The following CELF2 variants were observed in gnomAD, a reference collection of about 807,000 sequenced individuals.
CELF2 encodes the protein CUGBP Elav-like family member 2, also known as CUG triplet repeat RNA-binding protein 2.
A neutral mutation model predicts 62.6 loss-of-function variants in CELF2; 8 were observed. The observed-to-expected ratio is 0.13, with a 90% CI of 0.07 to 0.23. The LOEUF (loss-of-function observed/expected upper bound fraction) is 0.23, where lower values mean the gene tolerates loss of function less well. Ranked by LOEUF, CELF2 falls within the 10% of genes least tolerant of loss-of-function variation. The pLI, the probability that CELF2 is intolerant of heterozygous loss-of-function variation, is 1.00. For missense variants in CELF2, 333 were observed against 671.0 expected (o/e 0.50, Z 5.56); for synonymous variants, 258 against 250.0 (o/e 1.03, Z -0.30).
At chr10:10,868,378 G>A (rs1266952163) in intron 1 of CELF2, among the ~76,000 whole-genome samples, 1 of 152,210 alleles carries the variant, frequency 6.6e-6, no homozygotes, top group Non-Finnish European at 1.5e-5. Flanking sequence ...GCCCCTCCAT[G>A]TGATTTGGGT....
intron 1 of CELF2, among the ~76,000 whole-genome samples, chr10:11,006,196 CG>C (rs1358296372): frequency 1.3e-5 from 2 of 152,096 alleles, no homozygotes; most frequent in African/African-American, 4.8e-5. Flanking sequence ...ACAATGGGAC[CG>C]GTTGAACAAT....
chr10:10,558,431 T>C, the CELF2 span, among the ~76,000 whole-genome samples: 2 of 152,094 alleles, frequency 1.3e-5, no homozygotes, highest in African/African-American at 4.8e-5. Context: ...GCTGGATTCG[T>C]TTTGCCAGTA....
At chr10:10,939,720 C>T (rs192591411) in intron 2 of CELF2, among the ~76,000 whole-genome samples, 1 of 151,876 alleles carries the variant, frequency 6.6e-6, no homozygotes, top group Admixed American at 6.6e-5. Context: ...TTTGGGAGGC[C>T]GAGGCGGACG....
the CELF2 span, among the ~76,000 whole-genome samples, chr10:10,511,820 G>A: frequency 6.6e-6 from 1 of 152,174 alleles, no homozygotes; most frequent in African/African-American, 2.4e-5. Context: ...CAGCAGCCCA[G>A]TAAGAACCAT....
At chr10:10,889,028 A>AAAG (rs2061956457) in intron 1 of CELF2, among the ~76,000 whole-genome samples, 1 of 152,230 alleles carries the variant, frequency 6.6e-6, no homozygotes, top group Non-Finnish European at 1.5e-5. Flanking sequence ...CCAACCAGCC[A>AAAG]AAGGCACACC....
the CELF2 span, among the ~76,000 whole-genome samples, chr10:10,612,786 T>G: frequency 6.6e-6 from 1 of 152,208 alleles, no homozygotes; most frequent in Non-Finnish European, 1.5e-5. Context: ...CAGAGCCAGA[T>G]TCTTGTATCA....
At chr10:11,099,019 G>A (rs11256973) in intron 1 of CELF2, among the ~76,000 whole-genome samples, 30 of 152,304 alleles carry the variant, frequency 2.0e-4, no homozygotes, top group South Asian at 6.2e-4. Context: ...TAAAAGTTTC[G>A]CCAGAGAATG....
the CELF2 span, among the ~76,000 whole-genome samples, chr10:10,509,107 G>A: frequency 0.33 from 50,599 of 152,066 alleles, 8,949 homozygotes; most frequent in Non-Finnish European, 0.41. Context: ...ATGCAATCTA[G>A]GATTGGAGGT....
chr10:10,991,329 C>T (rs2053416351), intron 2 of CELF2, among the ~76,000 whole-genome samples: 1 of 152,146 alleles, frequency 6.6e-6, no homozygotes, highest in African/African-American at 2.4e-5. Context: ...AAGCTGTCTC[C>T]TAAGAAGCAA....
At chr10:11,163,646 T>A (rs1304976142) in intron 1 of CELF2, among the ~76,000 whole-genome samples, 1 of 152,240 alleles carries the variant, frequency 6.6e-6, no homozygotes, top group Non-Finnish European at 1.5e-5. Context: ...ACAATAAGGT[T>A]GATTAGAGCA....
chr10:11,175,389 AAGAG>A (rs961682893), intron 2 of CELF2, among the ~76,000 whole-genome samples: 3 of 152,368 alleles, frequency 2.0e-5, no homozygotes, highest in African/African-American at 4.8e-5. Context: ...TCTCAAAAAA[AAGAG>A]AGAATATGAT....
the CELF2 span, among the ~76,000 whole-genome samples, chr10:10,754,935 T>C: frequency 6.6e-6 from 1 of 152,240 alleles, no homozygotes; most frequent in East Asian, 1.9e-4. Context: ...TGAATTATTA[T>C]TGCTTTTTAA....
At chr10:11,195,784 C>G (rs2057301013) in intron 2 of CELF2, among the ~76,000 whole-genome samples, 1 of 152,156 alleles carries the variant, frequency 6.6e-6, no homozygotes, top group South Asian at 2.1e-4. Flanking sequence ...GGCTGCATGT[C>G]CTTTGTTTTC....
At chr10:10,973,875 C>T (rs1400260649) in intron 2 of CELF2, among the ~76,000 whole-genome samples, 1 of 152,170 alleles carries the variant, frequency 6.6e-6, no homozygotes, top group African/African-American at 2.4e-5. Flanking sequence ...GCCAATGTGA[C>T]TCAGGTTTTC....
At position 11,314,402 on chromosome 10, in the gene CELF2, T is replaced by C. The variant is rs2140560764; in HGVS notation, c.1096+144T>C. The C allele has an allele frequency of 1.9e-6, 2 of 1,052,332 alleles. No individual in the cohort carries two copies. Among genetic ancestry groups the C allele is most frequent in the East Asian group, 2.5e-5 (1 of 40,720 alleles). 65.2% of individuals were successfully genotyped at this position (1,052,332 alleles called of 1,614,324 possible). A position where few individuals can be genotyped will look rare whatever the true frequency, so the allele number is the denominator to read the frequency against. ...TGGGATGGAGGAGCACATGCTTTGA[T>C]AGGCAAAAGCTGTCTACACTCGTTT... On this transcript the variant is annotated intron_variant, in intron 10 of 12. Coordinates refer to ENST00000633077, the MANE Select transcript of CELF2 (RefSeq NM_001326342.2). The surrounding 1 kb of genome is among the most constrained non-coding windows in gnomAD (Gnocchi z 5.3).
intron 1 of CELF2, among the ~76,000 whole-genome samples, chr10:10,877,563 A>G (rs1008842698): frequency 3.3e-5 from 5 of 152,250 alleles, no homozygotes; most frequent in African/African-American, 1.2e-4. Context: ...ATAGAATGAA[A>G]GGCAGTTTTG....
chr10:10,561,892 CA>C, the CELF2 span, among the ~76,000 whole-genome samples: 1 of 152,178 alleles, frequency 6.6e-6, no homozygotes, highest in Non-Finnish European at 1.5e-5. Context: ...CTTTTTCCCC[CA>C]GGGCCTAGGT....
At chr10:10,483,112 T>G in the CELF2 span, among the ~76,000 whole-genome samples, 1 of 152,058 alleles carries the variant, frequency 6.6e-6, no homozygotes, top group African/African-American at 2.4e-5. Flanking sequence ...TCAACGGCTT[T>G]TGCTTCTCCG....
chr10:11,288,829 A>G (rs1254235272), intron 9 of CELF2, among the ~76,000 whole-genome samples: 1 of 152,254 alleles, frequency 6.6e-6, no homozygotes, highest in Non-Finnish European at 1.5e-5. Flanking sequence ...ACACTAGTCC[A>G]TTCAACACTA....
Sources: allele counts gnomAD v4.1 joint callset (sites outside exome capture counted in the v4.1 genomes callset), GRCh38; gene constraint gnomAD v4.1.1; non-coding constraint Gnocchi (gnomAD v3.1); transcripts MANE v1.5; gene names NCBI Gene and HGNC (gene_info 2026-07-23, HGNC 2026-07-21).